The following RIMS2 variants were observed in gnomAD, a reference collection of about 807,000 sequenced individuals.
RIMS2 encodes the protein regulating synaptic membrane exocytosis 2, also known as regulating synaptic membrane exocytosis protein 2.
Under a neutral mutation model 174.4 loss-of-function variants are expected in RIMS2, and 59 were observed. The observed-to-expected ratio is 0.34, with a 90% confidence interval of 0.27 to 0.42. The LOEUF (loss-of-function observed/expected upper bound fraction) is 0.42. RIMS2 is among the 10% of genes least tolerant of loss of function. The probability of loss-of-function intolerance (pLI) is 1.00; values close to 1 mark genes in which losing one functional copy is unlikely to be tolerated. For synonymous variants in RIMS2, 606 were observed against 572.5 expected, an observed-to-expected ratio of 1.06 and a Z score of -0.84; for missense variants, 1,620 against 1,666.3, an observed-to-expected ratio of 0.97 and a Z score of 0.48.
At chr8:103,965,310 TTTA>T (rs1441263930) in intron 15 of RIMS2, among the ~76,000 whole-genome samples, 1 of 152,166 alleles carries the variant, frequency 6.6e-6, no homozygotes, top group African/African-American at 2.4e-5. Context: ...TTAGTTCTTT[TTTA>T]TTTCATTCAT....
At chr8:103,874,899 C>T (rs2099128455) in intron 3 of RIMS2, among the ~76,000 whole-genome samples, 1 of 152,060 alleles carries the variant, frequency 6.6e-6, no homozygotes, top group Admixed American at 6.6e-5. Context: ...TCACCAGCAT[C>T]TGGTTGCATC....
At chr8:104,190,735 T>C (rs1563653489) in intron 19 of RIMS2, among the ~76,000 whole-genome samples, 1 of 152,218 alleles carries the variant, frequency 6.6e-6, no homozygotes, top group African/African-American at 2.4e-5. Flanking sequence ...TGGCAGCCTA[T>C]GAGCATATTG....
chr8:104,036,693 A>G (rs918692034), intron 19 of RIMS2, among the ~76,000 whole-genome samples: 4 of 151,584 alleles, frequency 2.6e-5, no homozygotes, highest in Admixed American at 6.6e-5. Flanking sequence ...ACTGACCAAC[A>G]TGGTGAAACC....
At chr8:103,649,735 C>G (rs1241850889) in intron 1 of RIMS2, among the ~76,000 whole-genome samples, 2 of 150,494 alleles carry the variant, frequency 1.3e-5, no homozygotes, top group Non-Finnish European at 3.0e-5. Flanking sequence ...TCTGCTTGGT[C>G]TATAGTTCTC....
At chr8:103,763,672 G>A (rs2098136697) in intron 2 of RIMS2, among the ~76,000 whole-genome samples, 1 of 152,106 alleles carries the variant, frequency 6.6e-6, no homozygotes, top group African/African-American at 2.4e-5. Context: ...CACATGGAGA[G>A]TCTTTAATGG....
chr8:104,064,883 T>A (rs1184653543), intron 19 of RIMS2, among the ~76,000 whole-genome samples: 3 of 152,074 alleles, frequency 2.0e-5, no homozygotes, highest in African/African-American at 4.8e-5. Context: ...TTGATTTGAT[T>A]TCTAAGATAT....
At chr8:103,895,018 A>G (rs1455106334) in intron 4 of RIMS2, among the ~76,000 whole-genome samples, 1 of 151,600 alleles carries the variant, frequency 6.6e-6, no homozygotes, top group African/African-American at 2.4e-5. Context: ...AAAATTAAAT[A>G]TTGTTATAAT....
At chr8:104,015,932 C>T (rs1414966314) in intron 19 of RIMS2, among the ~76,000 whole-genome samples, 1 of 152,022 alleles carries the variant, frequency 6.6e-6, no homozygotes, top group African/African-American at 2.4e-5. Context: ...GTGATTGTGG[C>T]TTGCGTTTCC....
intron 16 of RIMS2, among the ~76,000 whole-genome samples, chr8:103,983,230 C>T (rs545018577): frequency 7.4e-4 from 113 of 152,128 alleles, no homozygotes; most frequent in African/African-American, 2.4e-3. Context: ...AAAACATTGG[C>T]GCAAGAAATT....
At chr8:103,823,059 G>A (rs977595462) in intron 3 of RIMS2, among the ~76,000 whole-genome samples, 1 of 151,886 alleles carries the variant, frequency 6.6e-6, no homozygotes, top group Non-Finnish European at 1.5e-5. Flanking sequence ...GATCCTCTGA[G>A]TTTTTCCATT....
chr8:103,699,264 T>G (rs1564334099), intron 2 of RIMS2, among the ~76,000 whole-genome samples: 1 of 152,228 alleles, frequency 6.6e-6, no homozygotes, highest in Non-Finnish European at 1.5e-5. Flanking sequence ...TCTTACTCTG[T>G]TGCCCAGGCT....
At chr8:104,068,345 T>G (rs2097139113) in intron 19 of RIMS2, among the ~76,000 whole-genome samples, 167 bp from the exon 23 acceptor site, 1 of 152,206 alleles carries the variant, frequency 6.6e-6, no homozygotes. Flanking sequence ...CTTATGAAAT[T>G]GTATACTTTA....
intron 19 of RIMS2, among the ~76,000 whole-genome samples, chr8:104,237,692 C>G (rs965017578): frequency 6.6e-6 from 1 of 151,788 alleles, no homozygotes. Context: ...TGTTAAAGTC[C>G]GAAACAATTT....
intron 2 of RIMS2, among the ~76,000 whole-genome samples, chr8:103,752,074 C>A (rs1392448158): frequency 6.6e-6 from 1 of 152,120 alleles, no homozygotes; most frequent in African/African-American, 2.4e-5. Flanking sequence ...TACGGTTTTT[C>A]TGGTTTTAGG....
intron 17 of RIMS2, 105 bp from the exon 20 acceptor site, chr8:104,013,337 A>G (rs2095815678): frequency 1.1e-6 from 1 of 911,678 alleles, no homozygotes; most frequent in Non-Finnish European, 1.6e-6. Flanking sequence ...TACATACTCC[A>G]TAATTTTAAA....
At chr8:104,000,689 C>A (rs56375133) in intron 17 of RIMS2, among the ~76,000 whole-genome samples, 7,663 of 151,752 alleles carry the variant, frequency 0.05, 605 homozygotes, top group African/African-American at 0.17. Flanking sequence ...TGTACAAGCA[C>A]TCCCCTTTCT....
intron 19 of RIMS2, among the ~76,000 whole-genome samples, chr8:104,044,662 A>G (rs573057248): frequency 1.3e-5 from 2 of 151,870 alleles, no homozygotes; most frequent in African/African-American, 4.8e-5. Context: ...GTCTTTCTTA[A>G]CATACACTTT....
At chr8:103,896,614 A>G (rs1367631561) in intron 4 of RIMS2, among the ~76,000 whole-genome samples, 1 of 151,566 alleles carries the variant, frequency 6.6e-6, no homozygotes, top group Non-Finnish European at 1.5e-5. Context: ...TGAGTTTGGA[A>G]TTCAGGCAAG....
chr8:104,078,257 T>C (rs1245753699), intron 19 of RIMS2, among the ~76,000 whole-genome samples: 2 of 152,190 alleles, frequency 1.3e-5, no homozygotes, highest in Non-Finnish European at 2.9e-5. Flanking sequence ...TAAAAGTTTC[T>C]AGTTTAGGTT....
Sources: gnomAD v4.1 joint callset for allele counts (sites outside exome capture counted in the v4.1 genomes callset) on GRCh38, gnomAD v4.1.1 for gene constraint, MANE v1.5 for transcripts, NCBI Gene and HGNC (gene_info 2026-07-23, HGNC 2026-07-21) for gene names.